Variants in PLXNB1 observed in about 807,000 individuals in gnomAD.
PLXNB1 encodes the protein plexin B1, also known as plexin-B1.
In PLXNB1, 106 loss-of-function variants were observed where a neutral mutation model predicts 209.4. That is an observed-to-expected ratio of 0.51 (90% confidence interval 0.43 to 0.59). The LOEUF (loss-of-function observed/expected upper bound fraction) is 0.59. Among genes scored for constraint, PLXNB1 ranks in the 20% least tolerant of loss-of-function variants. PLXNB1 has a pLI of 0.00. For missense variants in PLXNB1, 2,357 were observed against 2,853.2 expected (o/e 0.83, Z 3.96); for synonymous variants, 1,167 against 1,183.2 (o/e 0.99, Z 0.28).
rs753647734 is a variant in PLXNB1, at chr3:48,412,294, C to T, written c.5044G>A (p.Val1682Met). 2 of 1,614,112 alleles carry T rather than the reference C, an allele frequency of 1.2e-6. No individual in the cohort carries two copies. Among genetic ancestry groups the T allele is most frequent in the Non-Finnish European group, 8.5e-7 (1 of 1,180,018 alleles). The change falls in exon 27 of 38, where the codon GTG (valine) becomes ATG (methionine). Residue 1682 changes from valine (V) to methionine (M), a missense_variant. Transcript: ENST00000296440. ...CAGTTGGTGAGCAGCTTCTCCACCACAGTCTCTGTCCTGAGATGATGGGAA... is the reference window on the plus strand; with the variant it reads ...CAGTTGGTGAGCAGCTTCTCCACCATAGTCTCTGTCCTGAGATGATGGGAA... ...PKLMLRRTET[V>M]VEKLLTNWMS...
rs755314130 is a variant in PLXNB1, at chr3:48,421,179, CCTGAAGCAGGGGCTGGCCCCCACCAGG to C, written c.1810+22_1810+48del. The stretch of plus-strand genomic sequence containing the variant: ...TTCACACTTTAACCCCACCGCATCC[CCTGAAGCAGGGGCTGGCCCCCACCAGG>C]CTGGCCCATTCTCTCACCCACCGGC... On this transcript the variant is annotated intron_variant, in intron 8 of 37. Coordinates refer to ENST00000296440, the MANE Select transcript of PLXNB1 (RefSeq NM_001130082.3). 7.6e-5 allele frequency: 121 copies of C among 1,588,380 alleles called. 2 individuals carry two copies. Among genetic ancestry groups the C allele is most frequent in the Non-Finnish European group, 9.7e-5 (113 of 1,167,344 alleles).
rs200826099 is a variant in PLXNB1 at position 48,421,380 on chromosome 3, A to G, written c.1658T>C (p.Phe553Ser). The G allele has an allele frequency of 2.6e-5, 40 of 1,527,398 alleles. No individual in the cohort carries two copies. The highest frequency in any genetic ancestry group is 3.5e-5 in the Non-Finnish European group (40 of 1,135,348). 94.6% of individuals were successfully genotyped at this position (1,527,398 alleles called of 1,614,324 possible). The part of the protein sequence containing the change: ...NISREETREV[F>S]LSVPDLPPLW... Reference sequence around the variant, plus strand: ...GGGTGGCAGGTCTGGCACTGATAGGAAAACCTGCCAAGAGAGCCAGGGACA... The same window carrying G: ...GGGTGGCAGGTCTGGCACTGATAGGGAAACCTGCCAAGAGAGCCAGGGACA... Residue 553 changes from phenylalanine (F) to serine (S), a missense_variant, in exon 8 of 38, where the codon TTC becomes TCC. Physicochemically the swap from Phe to Ser is radical, Grantham distance 155. This residue lies in a region of PLXNB1 where 214 missense variants were observed against 297.1 expected (regional missense o/e 0.72). Coordinates refer to ENST00000296440, the MANE Select transcript of PLXNB1 (RefSeq NM_001130082.3).
Position 48,417,981 on chromosome 3 carries a change from C to T in PLXNB1, c.3304G>A (p.Val1102Met). The T allele has an allele frequency of 6.2e-7, 1 of 1,613,528 alleles. No individual in the cohort carries two copies. Among genetic ancestry groups the T allele is most frequent in the Non-Finnish European group, 8.5e-7 (1 of 1,180,024 alleles). ...CCAGCCACCGTGACCATGCCCAGCA[C>T]ATCCTGCACATGCTGGCCCAGGTTG... ...GSNLGQHVQD[V>M]LGMVTVAGVP... The change falls in exon 16 of 38, where the codon GTG (valine) becomes ATG (methionine). Residue 1102 changes from valine to methionine, a missense_variant. Physicochemically the swap from Val to Met is conservative, Grantham distance 21. Around this residue, in one of 7 missense-constraint regions of PLXNB1, gnomAD observed 743 missense variants for 896.2 expected, o/e 0.83. Coordinates refer to ENST00000296440, the MANE Select transcript of PLXNB1 (RefSeq NM_001130082.3). This position sits in a 1 kb window ranked among gnomAD's most constrained non-coding sequence, Gnocchi z 4.4.
Position 48,419,276 on chromosome 3 carries a change from G to A in PLXNB1, c.2800C>T (p.Arg934Trp), listed in dbSNP as rs755888679. The A allele has an allele frequency of 1.9e-5, 31 of 1,594,474 alleles. No individual in the cohort carries two copies. The highest frequency in any genetic ancestry group is 5.4e-5 in the African/African-American group (4 of 74,420). Residue 934 changes from arginine to tryptophan, a missense_variant, in exon 12 of 38, where the codon CGG becomes TGG. This residue lies in a region of PLXNB1 where 410 missense variants were observed against 401.0 expected (regional missense o/e 1.02). Coordinates refer to ENST00000296440, the MANE Select transcript of PLXNB1 (RefSeq NM_001130082.3). This position sits in a 1 kb window ranked among gnomAD's most constrained non-coding sequence, Gnocchi z 5.7. ...LMPVHVEREI[R>W]LLGRNLHLFQ... The stretch of plus-strand genomic sequence containing the variant: ...AGGTGCAGGTTCCTGCCTAGCAGCC[G>A]GATTTCCCGCTCCACATGGACCGGC...
chr3:48,409,773 C>A lies in PLXNB1; in HGVS notation c.5779-42G>T. The A allele has an allele frequency of 6.3e-7, 1 of 1,599,866 alleles. No individual in the cohort carries two copies. The highest frequency in any genetic ancestry group is 8.5e-7 in the Non-Finnish European group (1 of 1,171,426). Reference sequence around the variant, plus strand: ...GCAGAGAGGTGTGGTCAGCAAAGGGCCCTCAGCAGCAGCCCAGCCTCAGAC... The same window carrying A: ...GCAGAGAGGTGTGGTCAGCAAAGGGACCTCAGCAGCAGCCCAGCCTCAGAC... On this transcript the variant is annotated intron_variant, in intron 32 of 37. Coordinates refer to ENST00000296440, the MANE Select transcript of PLXNB1 (RefSeq NM_001130082.3). This position sits in a 1 kb window ranked among gnomAD's most constrained non-coding sequence, Gnocchi z 5.8.
chr3:48,413,761 G>A lies in PLXNB1; in HGVS notation c.4444C>T (p.Pro1482Ser), dbSNP rs1485156094. ...LGHVQYDGES[P>S]GAFPVAAQVG... The stretch of plus-strand genomic sequence containing the variant: ...TGGGCTGCCACAGGAAAAGCCCCAG[G>A]GCTCTCGCCGTCATACTGCACGTGA... The change falls in exon 23 of 38, where the codon CCT becomes TCT. Residue 1482 changes from proline to serine, a missense_variant. Physicochemically the swap from Pro to Ser is moderately conservative, Grantham distance 74. Around this residue, in one of 7 missense-constraint regions of PLXNB1, gnomAD observed 743 missense variants for 896.2 expected, o/e 0.83. Coordinates refer to ENST00000296440, the MANE Select transcript of PLXNB1 (RefSeq NM_001130082.3). This position sits in a 1 kb window ranked among gnomAD's most constrained non-coding sequence, Gnocchi z 5.4. The A allele has an allele frequency of 1.2e-6, 2 of 1,613,738 alleles. No individual in the cohort carries two copies. Among genetic ancestry groups the A allele is most frequent in the Non-Finnish European group, 1.7e-6 (2 of 1,180,046 alleles).
At chr3:48,423,023 T>C (rs2038637287) in intron 3 of PLXNB1, 76 bp from the exon 4 acceptor site, 2 of 1,296,802 alleles carry the variant, frequency 1.5e-6, no homozygotes, top group Non-Finnish European at 2.2e-6. Flanking sequence ...GACAACCTCA[T>C]TCCCTCCCCC....
In PLXNB1 at chr3:48,418,517, T is replaced by G; in HGVS notation, c.2981A>C (p.Glu994Ala). ...HQLSYEALQPELRVGLFLRRA... is the reference protein window; with the variant it reads ...HQLSYEALQPALRVGLFLRRA... ...ACGCAGAAACAGCCCCACACGGAGCTCCGGCTGCAGAGCCTCATAGCTGAG... is the reference window on the plus strand; with the variant it reads ...ACGCAGAAACAGCCCCACACGGAGCGCCGGCTGCAGAGCCTCATAGCTGAG... The change falls in exon 14 of 38, where the codon GAG becomes GCG. Residue 994 changes from glutamate (E) to alanine (A), a missense_variant. Physicochemically the swap from Glu to Ala is moderately radical, Grantham distance 107. Coordinates refer to ENST00000296440, the MANE Select transcript of PLXNB1 (RefSeq NM_001130082.3). The surrounding 1 kb of genome is among the most constrained non-coding windows in gnomAD (Gnocchi z 6.6). 6.2e-7 allele frequency: 1 copy of G among 1,607,598 alleles called. No homozygotes were observed. The highest frequency in any genetic ancestry group is 1.1e-5 in the South Asian group (1 of 90,222).
intron 4 of PLXNB1, 77 bp from the exon 5 acceptor site, chr3:48,422,536 C>T (rs1346327084): frequency 9.0e-6 from 13 of 1,449,854 alleles, no homozygotes; most frequent in East Asian, 2.5e-5. Flanking sequence ...TCCACCCAAT[C>T]GAAGTAATTT....
At position 48,423,841 on chromosome 3, in the gene PLXNB1, G is replaced by A. The variant is rs1479688075; in HGVS notation, c.771C>T (p.His257=). ...YVSRVCLRDQ[H]YYSYVELPLA... is the part of the protein sequence containing the mutation. ...GAGGCAACTCCACATAGGAGTAGTA[G>A]TGCTGGTCCCGGAGACACACTCGAG... Residue 257 remains histidine (H), a synonymous_variant, in exon 3 of 38, where the codon CAC becomes CAT. Transcript: ENST00000296440. 2.5e-6 allele frequency: 4 copies of A among 1,614,036 alleles called. No homozygotes were observed. The highest frequency in any genetic ancestry group is 3.4e-6 in the Non-Finnish European group (4 of 1,180,024).
rs1575381437 is a variant in PLXNB1 at position 48,410,234 on chromosome 3, T to C, written c.5605+62A>G. The C allele has an allele frequency of 6.7e-7, 1 of 1,492,844 alleles. No individual in the cohort carries two copies. The highest frequency in any genetic ancestry group is 2.3e-5 in the East Asian group (1 of 43,740). 92.5% of individuals were successfully genotyped at this position (1,492,844 alleles called of 1,614,324 possible). A position where few individuals can be genotyped will look rare whatever the true frequency, so the allele number is the denominator to read the frequency against. On this transcript the variant is annotated intron_variant, in intron 31 of 37. Transcript: ENST00000296440. The surrounding 1 kb of genome is among the most constrained non-coding windows in gnomAD (Gnocchi z 6.4). Reference sequence around the variant, plus strand: ...AGCCTGCCCTGAGGCCCAGAGGACCTTCCCCATGACTCCGGGCTGGGCACA... The same window carrying C: ...AGCCTGCCCTGAGGCCCAGAGGACCCTCCCCATGACTCCGGGCTGGGCACA...
chr3:48,410,713 G>T lies in PLXNB1; in HGVS notation c.5416+155C>A. On this transcript the variant is annotated intron_variant, in intron 29 of 37. Transcript: ENST00000296440. The surrounding 1 kb of genome is among the most constrained non-coding windows in gnomAD (Gnocchi z 6.4). The stretch of plus-strand genomic sequence containing the variant: ...AAGAGCAGGGACCCCCTCCCCAGAT[G>T]AGAGGCTGTCCAAGAAAGATGTTCC... The T allele has an allele frequency of 1.1e-6, 1 of 946,250 alleles. No individual in the cohort carries two copies. The highest frequency in any genetic ancestry group is 1.6e-6 in the Non-Finnish European group (1 of 627,164). 58.6% of individuals were successfully genotyped at this position (946,250 alleles called of 1,614,324 possible).
In PLXNB1 at chr3:48,419,852, G is replaced by A. The variant is rs2038378311; in HGVS notation, c.2434C>T (p.Pro812Ser). Residue 812 changes from proline to serine, a missense_variant, in exon 11 of 38, where the codon CCC becomes TCC. This residue lies in a region of PLXNB1 where 410 missense variants were observed against 401.0 expected (regional missense o/e 1.02). Transcript: ENST00000296440. The surrounding 1 kb of genome is among the most constrained non-coding windows in gnomAD (Gnocchi z 5.7). ...PADPGPEALHPTVPLDLPPAT... is the reference protein window; with the variant it reads ...PADPGPEALHSTVPLDLPPAT... ...GGGGGCAGGTCCAGGGGCACTGTGG[G>A]ATGAAGAGCCTCGGGGCCAGGGTCT... 2.5e-6 allele frequency: 4 copies of A among 1,573,112 alleles called. No homozygotes were observed. The highest frequency in any genetic ancestry group is 4.5e-5 in the East Asian group (2 of 43,978).
chr3:48,405,242 C>G lies in PLXNB1; in HGVS notation c.6303+482G>C, dbSNP rs952255296. Among the ~76,000 whole-genome samples, 1 of 152,212 alleles carries G rather than the reference C, an allele frequency of 6.6e-6. No homozygotes were observed. Among genetic ancestry groups the G allele is most frequent in the Non-Finnish European group, 1.5e-5 (1 of 68,044 alleles). On this transcript the variant is annotated intron_variant, in intron 37 of 37. Transcript: ENST00000296440. This position sits in a 1 kb window ranked among gnomAD's most constrained non-coding sequence, Gnocchi z 5.0. ...CTAAGTGGACTATTCCACCAGGCAT[C>G]CAGCAGGTTGACTGGCAGGTGCTCA... is the stretch of plus-strand genomic sequence containing the variant.
At position 48,419,635 on chromosome 3, in the gene PLXNB1, G is replaced by A. The variant is rs2038352769; in HGVS notation, c.2651C>T (p.Pro884Leu). ...DSAELEGPPA[P>L]LILPSSLDYQ... ...GTCGAGGCTGGACGGGAGGATGAGG[G>A]GGGCGGGAGGGCCCTCAAGCTCTGC... Residue 884 changes from proline to leucine, a missense_variant, in exon 11 of 38, where the codon CCC (proline) becomes CTC (leucine). Pro to Leu is a moderately conservative substitution (Grantham distance 98). Around this residue, in one of 7 missense-constraint regions of PLXNB1, gnomAD observed 410 missense variants for 401.0 expected, o/e 1.02. Transcript: ENST00000296440. The surrounding 1 kb of genome is among the most constrained non-coding windows in gnomAD (Gnocchi z 5.7). The A allele has an allele frequency of 1.2e-6, 2 of 1,612,594 alleles. No individual in the cohort carries two copies. The highest frequency in any genetic ancestry group is 1.7e-6 in the Non-Finnish European group (2 of 1,179,926).
intron 1 of PLXNB1, among the ~76,000 whole-genome samples, chr3:48,428,054 G>A (rs188179810): frequency 5.3e-5 from 8 of 152,266 alleles, no homozygotes; most frequent in Non-Finnish European, 1.2e-4. Flanking sequence ...AGGGAGTATG[G>A]CTTCTGATTC....
rs551400107 is a variant in PLXNB1, at chr3:48,416,824, C to T, written c.3375-373G>A. 4.0e-4 allele frequency: 70 copies of T among 174,268 alleles called. No homozygotes were observed. Among genetic ancestry groups the T allele is most frequent in the Non-Finnish European group, 7.7e-4 (64 of 83,200 alleles). The allele number at this position is 174,268 out of a possible 1,614,324, so 10.8% of individuals were successfully genotyped here. On this transcript the variant is annotated intron_variant, in intron 16 of 37. Transcript: ENST00000296440. This position sits in a 1 kb window ranked among gnomAD's most constrained non-coding sequence, Gnocchi z 4.1. Reference sequence around the variant, plus strand: ...CGCCACGTCACATGCACAGTACCCACTCAAAGCATGGTAGAAACTTGATTT... The same window carrying T: ...CGCCACGTCACATGCACAGTACCCATTCAAAGCATGGTAGAAACTTGATTT...
Position 48,419,583 on chromosome 3 carries a change from C to G in PLXNB1, c.2703G>C (p.Trp901Cys). The G allele has an allele frequency of 6.2e-7, 1 of 1,604,818 alleles. No homozygotes were observed. Among genetic ancestry groups the G allele is most frequent in the Non-Finnish European group, 8.5e-7 (1 of 1,173,708 alleles). ...TTCCTGGGCTGGGCCTCACCAGCTC[C>G]CAGAGCCCGGGGGTGTCATACTGGT... ...LDYQYDTPGL[W>C]ELEEATLGAS... The change falls in exon 11 of 38, where the codon TGG becomes TGC. Residue 901 changes from tryptophan (W) to cysteine (C), a missense_variant. By Grantham distance (215) the Trp-to-Cys change is radical. Transcript: ENST00000296440. The surrounding 1 kb of genome is among the most constrained non-coding windows in gnomAD (Gnocchi z 5.7).
In PLXNB1 at chr3:48,404,606, A is replaced by C; in HGVS notation, c.6304-16T>G. ...CAGTGATGATCTGAAACAGAGACCA[A>C]TGCCATCAGGGGAGACTTCTTTGGC... On this transcript the variant is annotated splice_polypyrimidine_tract_variant and intron_variant, in intron 37 of 37. Transcript: ENST00000296440. 1 of 1,565,672 alleles carries C rather than the reference A, an allele frequency of 6.4e-7. No individual in the cohort carries two copies. The highest frequency in any genetic ancestry group is 8.8e-7 in the Non-Finnish European group (1 of 1,138,806).
Sources: allele counts gnomAD v4.1 joint callset (sites outside exome capture counted in the v4.1 genomes callset), GRCh38; gene constraint gnomAD v4.1.1; regional missense constraint gnomAD v4.1.1; non-coding constraint Gnocchi (gnomAD v3.1); transcripts MANE v1.5; gene names NCBI Gene and HGNC (gene_info 2026-07-23, HGNC 2026-07-21).